The following WDR49 variants were observed in gnomAD, a reference collection of about 807,000 sequenced individuals.
The protein encoded by WDR49 is WD repeat domain 49.
In WDR49, 107 loss-of-function variants were observed where a neutral mutation model predicts 119.5. The observed-to-expected ratio is 0.90, with a 90% CI of 0.77 to 1.05. WDR49 has a LOEUF of 1.05. WDR49 is among the 50% of genes least tolerant of loss of function. The probability of loss-of-function intolerance (pLI) is 0.00; values close to 1 mark genes in which losing one functional copy is unlikely to be tolerated. For synonymous variants in WDR49, 425 were observed against 418.8 expected, an observed-to-expected ratio of 1.01 and a Z score of -0.18; for missense variants, 1,240 against 1,220.5, an observed-to-expected ratio of 1.02 and a Z score of -0.24.
At chr3:167,502,408 C>T (rs557057592) in intron 17 of WDR49, among the ~76,000 whole-genome samples, 4 of 152,248 alleles carry the variant, frequency 2.6e-5, no homozygotes, top group African/African-American at 4.8e-5. Context: ...TACCTGAAAA[C>T]GTGCAAGTGG....
At chr3:167,490,744 G>A (rs929786758) in intron 18 of WDR49, among the ~76,000 whole-genome samples, 2 of 152,002 alleles carry the variant, frequency 1.3e-5, no homozygotes, top group South Asian at 2.1e-4. Flanking sequence ...TGAGTTCACT[G>A]TTTTTGAACT....
intron 16 of WDR49, 145 bp downstream of exon 16, chr3:167,522,170 C>T (rs1186889977): frequency 2.8e-5 from 18 of 653,278 alleles, no homozygotes; most frequent in East Asian, 1.9e-4. Context: ...CTCATTCATA[C>T]GCACCTACCA....
chr3:167,555,768 T>A (rs1028439481), intron 9 of WDR49, among the ~76,000 whole-genome samples: 179 of 151,714 alleles, frequency 1.2e-3, no homozygotes, highest in Non-Finnish European at 2.1e-3. Flanking sequence ...AGAAACTGAT[T>A]TTTTTCCTAT....
At chr3:167,552,412 GT>G (rs1698306009) in intron 10 of WDR49, among the ~76,000 whole-genome samples, 1 of 152,008 alleles carries the variant, frequency 6.6e-6, no homozygotes, top group African/African-American at 2.4e-5. Flanking sequence ...TACTAATACT[GT>G]TGTACAATTT....
At chr3:167,525,620 G>T (rs554238149) in intron 15 of WDR49, among the ~76,000 whole-genome samples, 1 of 152,088 alleles carries the variant, frequency 6.6e-6, no homozygotes, top group South Asian at 2.1e-4. Context: ...ACAAAGTGGG[G>T]CACTGAAGAA....
chr3:167,605,503 A>G (rs1716015141), intron 5 of WDR49, among the ~76,000 whole-genome samples: 1 of 152,212 alleles, frequency 6.6e-6, no homozygotes, highest in Non-Finnish European at 1.5e-5. Context: ...AAACAGATGC[A>G]GTCTGGACTT....
chr3:167,593,801 T>G (rs1715261746), intron 7 of WDR49, among the ~76,000 whole-genome samples: 1 of 152,124 alleles, frequency 6.6e-6, no homozygotes, highest in Admixed American at 6.6e-5. Context: ...AATCCCCATG[T>G]GCTGAGGGAA....
chr3:167,612,424 G>A (rs1033225384), intron 5 of WDR49, among the ~76,000 whole-genome samples: 1 of 149,634 alleles, frequency 6.7e-6, no homozygotes, highest in Non-Finnish European at 1.5e-5. Context: ...TAAAGAACTA[G>A]AAAAGCAAGA....
At chr3:167,529,261 T>C in intron 13 of WDR49, 22 bp from the exon 14 acceptor site, 2 of 1,535,298 alleles carry the variant, frequency 1.3e-6, no homozygotes, top group Non-Finnish European at 1.7e-6. Flanking sequence ...GGGAAAAATC[T>C]AACTAGAAAA....
At chr3:167,545,068 T>C (rs1455824306) in intron 10 of WDR49, among the ~76,000 whole-genome samples, 1 of 151,660 alleles carries the variant, frequency 6.6e-6, no homozygotes, top group South Asian at 2.1e-4. Context: ...AAAGAACATA[T>C]ACAAATGGCC....
chr3:167,632,564 C>T (rs1365618926), intron 2 of WDR49, among the ~76,000 whole-genome samples: 1 of 151,878 alleles, frequency 6.6e-6, no homozygotes. Flanking sequence ...TTTGTTTTTA[C>T]TAAAAAATCC....
At chr3:167,632,636 C>T (rs1334637016) in intron 2 of WDR49, among the ~76,000 whole-genome samples, 1 of 151,958 alleles carries the variant, frequency 6.6e-6, no homozygotes, top group Non-Finnish European at 1.5e-5. Context: ...CATATGCCAA[C>T]TTGAATAAAT....
At chr3:167,625,451 C>T (rs906670979) in intron 3 of WDR49, among the ~76,000 whole-genome samples, 1 of 151,990 alleles carries the variant, frequency 6.6e-6, no homozygotes, top group African/African-American at 2.4e-5. Flanking sequence ...AAAACCAGCT[C>T]ATTATTTTGA....
chr3:167,546,945 T>C (rs943176665), intron 10 of WDR49, among the ~76,000 whole-genome samples: 1 of 151,890 alleles, frequency 6.6e-6, no homozygotes. Context: ...TAGTTTGATA[T>C]AATTCAGCTT....
chr3:167,562,276 G>A (rs1713311853), intron 8 of WDR49, among the ~76,000 whole-genome samples: 1 of 152,094 alleles, frequency 6.6e-6, no homozygotes, highest in African/African-American at 2.4e-5. Context: ...GTTTTGGGAG[G>A]ACCATTTGGA....
At chr3:167,533,010 C>A in intron 11 of WDR49, 33 bp from the exon 12 acceptor site, 1 of 1,476,576 alleles carries the variant, frequency 6.8e-7, no homozygotes, top group Non-Finnish European at 9.2e-7. Context: ...TATAAATTGC[C>A]AGGAGATTAA....
intron 2 of WDR49, among the ~76,000 whole-genome samples, chr3:167,636,457 G>A (rs940570923): frequency 2.0e-5 from 3 of 149,240 alleles, no homozygotes; most frequent in Non-Finnish European, 4.5e-5. Flanking sequence ...CTATAAACGT[G>A]TGGGCAATAT....
chr3:167,519,639 T>G, intron 16 of WDR49, among the ~76,000 whole-genome samples: 2 of 146,960 alleles, frequency 1.4e-5, no homozygotes. Flanking sequence ...TGTCCAGGGG[T>G]GGGGGATGGG....
intron 16 of WDR49, among the ~76,000 whole-genome samples, chr3:167,513,515 T>A (rs937505618): frequency 6.6e-6 from 1 of 152,072 alleles, no homozygotes; most frequent in Non-Finnish European, 1.5e-5. Flanking sequence ...CACCCTGAAG[T>A]ACACAGACCA....
Sources: allele counts gnomAD v4.1 joint callset (sites outside exome capture counted in the v4.1 genomes callset), GRCh38; gene constraint gnomAD v4.1.1; transcripts MANE v1.5; gene names NCBI Gene and HGNC (gene_info 2026-07-23, HGNC 2026-07-21).